GPC6: variants seen among roughly 807,000 people sequenced by gnomAD.
The protein encoded by GPC6 is glypican-6.
Under a neutral mutation model 55.2 loss-of-function variants are expected in GPC6, and 14 were observed. That is an observed-to-expected ratio of 0.25 (90% CI 0.17 to 0.40). The LOEUF is 0.40. Ranked by LOEUF, GPC6 falls within the 10% of genes least tolerant of loss-of-function variation. The pLI is 1.00. For synonymous variants in GPC6, 278 were observed against 259.6 expected (o/e 1.07, Z -0.68); for missense variants, 641 against 708.5 (o/e 0.90, Z 1.08).
intron 2 of GPC6, among the ~76,000 whole-genome samples, chr13:93,806,942 A>G (rs10706783): frequency 1.6e-5 from 1 of 61,128 alleles, no homozygotes; most frequent in African/African-American, 1.1e-4. Context: ...AACCTTACCA[A>G]TGTGAAATAT....
intron 1 of GPC6, among the ~76,000 whole-genome samples, chr13:93,497,767 A>C (rs909081664): frequency 3.9e-5 from 6 of 152,240 alleles, no homozygotes; most frequent in Non-Finnish European, 7.3e-5. Flanking sequence ...ACCCTGTATT[A>C]ACTGAACCAT....
chr13:93,796,136 C>A (rs1338526788), intron 2 of GPC6, among the ~76,000 whole-genome samples: 1 of 151,498 alleles, frequency 6.6e-6, no homozygotes, highest in African/African-American at 2.4e-5. Flanking sequence ...GTCAAGGTTG[C>A]AGTATGCCAT....
chr13:93,665,043 A>G (rs561209964), intron 2 of GPC6, among the ~76,000 whole-genome samples: 3 of 152,340 alleles, frequency 2.0e-5, no homozygotes, highest in South Asian at 4.1e-4. Context: ...CCAATCAGCT[A>G]TCAGGGTAGA....
intron 3 of GPC6, among the ~76,000 whole-genome samples, chr13:93,889,744 A>G (rs766461239): frequency 6.6e-6 from 1 of 152,110 alleles, no homozygotes; most frequent in African/African-American, 2.4e-5. Context: ...CCATGGGGAA[A>G]GATTTGCCAT....
intron 5 of GPC6, 73 bp downstream of exon 5, chr13:94,286,552 T>A: frequency 1.5e-6 from 2 of 1,349,300 alleles, no homozygotes; most frequent in African/African-American, 1.5e-5. Context: ...ACGAAGTAAC[T>A]AGATATGTCG....
chr13:93,736,204 G>C (rs1883997445), intron 2 of GPC6, among the ~76,000 whole-genome samples: 1 of 152,172 alleles, frequency 6.6e-6, no homozygotes, highest in African/African-American at 2.4e-5. Flanking sequence ...AGACCCTTTA[G>C]AGCTGAAAGC....
At chr13:93,343,129 C>T (rs1039862118) in intron 1 of GPC6, among the ~76,000 whole-genome samples, 1 of 150,758 alleles carries the variant, frequency 6.6e-6, no homozygotes, top group Non-Finnish European at 1.5e-5. Context: ...ACAACCCCCG[C>T]CCCCCACCAC....
chr13:94,047,193 T>C (rs1566333358), intron 4 of GPC6, among the ~76,000 whole-genome samples: 1 of 152,024 alleles, frequency 6.6e-6, no homozygotes, highest in South Asian at 2.1e-4. Flanking sequence ...GATAGTAAAA[T>C]CAGGAAAACA....
intron 2 of GPC6, among the ~76,000 whole-genome samples, chr13:93,681,766 A>C (rs1294624498): frequency 6.6e-6 from 1 of 152,214 alleles, no homozygotes; most frequent in African/African-American, 2.4e-5. Flanking sequence ...TTTCAGAGAA[A>C]TGTCTAAATT....
intron 1 of GPC6, among the ~76,000 whole-genome samples, chr13:93,394,416 G>T (rs537103314): frequency 6.6e-6 from 1 of 152,168 alleles, no homozygotes; most frequent in Non-Finnish European, 1.5e-5. Context: ...TGATTATGTG[G>T]TTATTGCCTT....
intron 1 of GPC6, among the ~76,000 whole-genome samples, chr13:93,370,131 C>G (rs1296730352): frequency 6.6e-6 from 1 of 151,988 alleles, no homozygotes; most frequent in Non-Finnish European, 1.5e-5. Context: ...ATTCATTATT[C>G]CAGACAGTTG....
intron 2 of GPC6, among the ~76,000 whole-genome samples, chr13:93,727,785 G>C (rs537642443): frequency 6.6e-6 from 1 of 152,190 alleles, no homozygotes; most frequent in African/African-American, 2.4e-5. Context: ...TCCTGTCTGA[G>C]GCCCTCCTTG....
intron 3 of GPC6, among the ~76,000 whole-genome samples, chr13:94,008,031 A>C (rs1241629443): frequency 6.6e-6 from 1 of 152,124 alleles, no homozygotes; most frequent in Non-Finnish European, 1.5e-5. Flanking sequence ...AAATATCATA[A>C]ATTTTTTTTC....
rs113657894 is a variant in GPC6 at position 94,172,120 on chromosome 13, A to G, written c.878-114229A>G. ...CAACTTGCCCTCAGGCACAGGGGCA[A>G]TGATTAAAGAAGGTTTTCTTAGATT... On this transcript the variant is annotated intron_variant, in intron 4 of 8. Coordinates refer to ENST00000377047, the MANE Select transcript of GPC6 (RefSeq NM_005708.5). Among the ~76,000 whole-genome samples, 1,238 of 152,310 alleles carry G rather than the reference A, an allele frequency of 8.1e-3. 12 individuals are homozygous for G. Among genetic ancestry groups the G allele is most frequent in the Non-Finnish European group, 0.011 (764 of 68,022 alleles).
chr13:93,927,480 A>G (rs1877920590), intron 3 of GPC6, among the ~76,000 whole-genome samples: 1 of 152,128 alleles, frequency 6.6e-6, no homozygotes, highest in South Asian at 2.1e-4. Context: ...TACTGAAACA[A>G]CAGGACACGT....
At chr13:93,756,791 T>C (rs1884784942) in intron 2 of GPC6, among the ~76,000 whole-genome samples, 2 of 152,178 alleles carry the variant, frequency 1.3e-5, no homozygotes, top group Non-Finnish European at 2.9e-5. Context: ...TTCAAAGTGC[T>C]ACTGATAAGC....
rs1167594036 is a variant in GPC6, at chr13:94,405,057, TTAAAA to T, written c.*1842_*1846del. The stretch of plus-strand genomic sequence containing the variant: ...ATTTTTCAATCTGTTCTCATCAAAA[TTAAAA>T]TTAGTTATTGATTTAGTCATCACAT... On this transcript the variant is annotated 3_prime_UTR_variant, in exon 9 of 9. Coordinates refer to ENST00000377047, the MANE Select transcript of GPC6 (RefSeq NM_005708.5). The T allele has an allele frequency of 6.6e-6, 1 of 152,204 alleles. No individual in the cohort carries two copies. The highest frequency in any genetic ancestry group is 2.4e-5 in the African/African-American group (1 of 41,446). The allele number at this position is 152,204 out of a possible 1,614,324, so 9.4% of individuals were successfully genotyped here.
intron 3 of GPC6, among the ~76,000 whole-genome samples, chr13:93,979,771 C>T (rs749401504): frequency 6.6e-6 from 1 of 152,000 alleles, no homozygotes; most frequent in African/African-American, 2.4e-5. Flanking sequence ...TCGTATAGGA[C>T]AGCTACAGAT....
intron 6 of GPC6, among the ~76,000 whole-genome samples, chr13:94,337,986 A>G (rs9516394): frequency 0.096 from 14,632 of 152,240 alleles, 799 homozygotes; most frequent in African/African-American, 0.13. Context: ...GGACAAAGGC[A>G]ATTCGCACAC....
Sources: gnomAD v4.1 joint callset for allele counts (sites outside exome capture counted in the v4.1 genomes callset) on GRCh38, gnomAD v4.1.1 for gene constraint, MANE v1.5 for transcripts, NCBI Gene and HGNC (gene_info 2026-07-23, HGNC 2026-07-21) for gene names.